Variants in FAM20A observed in about 807,000 individuals in gnomAD.
FAM20A encodes FAM20A golgi associated secretory pathway pseudokinase, also known as pseudokinase FAM20A.
Under a neutral mutation model 52.0 loss-of-function variants are expected in FAM20A, and 42 were observed. That is an observed-to-expected ratio of 0.81 (90% confidence interval 0.63 to 1.04). The LOEUF is 1.04. FAM20A is among the 50% of genes least tolerant of loss of function. The pLI is 0.00. For missense variants in FAM20A, 742 were observed against 712.7 expected, an observed-to-expected ratio of 1.04 and a Z score of -0.47; for synonymous variants, 304 against 298.9, an observed-to-expected ratio of 1.02 and a Z score of -0.18.
intron 1 of FAM20A, among the ~76,000 whole-genome samples, chr17:68,579,891 G>A (rs1461064890): frequency 6.6e-6 from 1 of 152,196 alleles, no homozygotes; most frequent in Non-Finnish European, 1.5e-5. Context: ...CTAACTGCTG[G>A]GGGCTGGAAC....
At chr17:68,566,235 TG>T (rs2143772621) in intron 1 of FAM20A, among the ~76,000 whole-genome samples, 1 of 152,366 alleles carries the variant, frequency 6.6e-6, no homozygotes, top group African/African-American at 2.4e-5. Flanking sequence ...TGAGTAATAG[TG>T]ATTTAGGCAT....
intron 1 of FAM20A, among the ~76,000 whole-genome samples, chr17:68,578,005 CCA>C (rs752788424): frequency 2.3e-4 from 34 of 149,264 alleles, no homozygotes; most frequent in African/African-American, 3.9e-4. Flanking sequence ...ATTTCACACA[CCA>C]CACACACACA....
chr17:68,558,866 C>T (rs1380827486), intron 1 of FAM20A, among the ~76,000 whole-genome samples: 2 of 152,178 alleles, frequency 1.3e-5, no homozygotes, highest in South Asian at 2.1e-4. Flanking sequence ...TCAAGCGATT[C>T]TCCTGCCTCA....
At chr17:68,571,743 C>A (rs1041719415) in intron 1 of FAM20A, among the ~76,000 whole-genome samples, 2 of 151,750 alleles carry the variant, frequency 1.3e-5, no homozygotes, top group African/African-American at 4.8e-5. Context: ...TGTTCTATTT[C>A]TCCTGTGACA....
intron 2 of FAM20A, 96 bp downstream of exon 2, chr17:68,555,463 C>A: frequency 7.4e-7 from 1 of 1,343,352 alleles, no homozygotes; most frequent in African/African-American, 1.4e-5. Flanking sequence ...CCATGTCAAG[C>A]CTCTAATGTT....
chr17:68,543,613 T>A lies in FAM20A; in HGVS notation c.812+16A>T. The A allele has an allele frequency of 6.2e-7, 1 of 1,613,052 alleles. No individual in the cohort carries two copies. On this transcript the variant is annotated intron_variant, in intron 5 of 10. Coordinates refer to ENST00000592554, the MANE Select transcript of FAM20A (RefSeq NM_017565.4). ...GTCCTTATAGGCAATGCCATCTCCA[T>A]GGGGCCAGACCCTACCTGTCCAGAT...
At chr17:68,564,887 A>C (rs532410765) in intron 1 of FAM20A, among the ~76,000 whole-genome samples, 2 of 152,276 alleles carry the variant, frequency 1.3e-5, no homozygotes, top group South Asian at 4.1e-4. Context: ...CGAGTGCTCC[A>C]GACAGGGAGG....
In FAM20A at chr17:68,600,165, G is replaced by A; in HGVS notation, c.404+98C>T. On this transcript the variant is annotated intron_variant, in intron 1 of 10. Coordinates refer to ENST00000592554, the MANE Select transcript of FAM20A (RefSeq NM_017565.4). The surrounding 1 kb of genome is among the most constrained non-coding windows in gnomAD (Gnocchi z 6.2). Reference sequence around the variant, plus strand: ...GGCTGGAGCCGTGGGTGGAGCCGCTGCAGCCCTGGGCCGGGGGCGTCAGGA... The same window carrying A: ...GGCTGGAGCCGTGGGTGGAGCCGCTACAGCCCTGGGCCGGGGGCGTCAGGA... 7.2e-7 allele frequency: 1 copy of A among 1,387,542 alleles called. No homozygotes were observed. Among genetic ancestry groups the A allele is most frequent in the South Asian group, 1.4e-5 (1 of 72,790 alleles). The allele number at this position is 1,387,542 out of a possible 1,614,324, so 86.0% of individuals were successfully genotyped here.
intron 1 of FAM20A, among the ~76,000 whole-genome samples, chr17:68,578,838 CAAAAAAAAAA>C (rs5821664): frequency 1.4e-4 from 5 of 36,058 alleles, no homozygotes; most frequent in East Asian, 8.6e-4. Context: ...CTAAAAATAC[CAAAAAAAAAA>C]AAAAAAAAAA....
chr17:68,565,352 T>C (rs9890323), intron 1 of FAM20A, among the ~76,000 whole-genome samples: 148,689 of 148,692 alleles, frequency 1, 74,343 homozygotes, highest in Middle Eastern at 1. Context: ...CCAATCATTT[T>C]TAAATCCTGG....
At chr17:68,545,996 T>C (rs543665725) in intron 4 of FAM20A, among the ~76,000 whole-genome samples, 8 of 151,986 alleles carry the variant, frequency 5.3e-5, no homozygotes, top group South Asian at 2.1e-4. Flanking sequence ...GGTGAAACCC[T>C]GTCTCTACTA....
intron 1 of FAM20A, among the ~76,000 whole-genome samples, chr17:68,571,968 A>C (rs1462528255): frequency 7.8e-6 from 1 of 127,398 alleles, no homozygotes. Flanking sequence ...GTGTATATAT[A>C]TGTGTGTGTA....
At chr17:68,593,964 T>C (rs2088378013) in intron 1 of FAM20A, among the ~76,000 whole-genome samples, 2 of 152,316 alleles carry the variant, frequency 1.3e-5, no homozygotes, top group South Asian at 4.1e-4. Context: ...CATCTGGGCA[T>C]CAAAGGACAT....
intron 1 of FAM20A, among the ~76,000 whole-genome samples, chr17:68,563,456 G>C (rs1205177329): frequency 2.0e-5 from 3 of 151,624 alleles, no homozygotes; most frequent in African/African-American, 7.3e-5. Context: ...CTGGCTCTGG[G>C]AGATGGTGTC....
At chr17:68,548,324 G>A (rs1267853087) in intron 4 of FAM20A, among the ~76,000 whole-genome samples, 1 of 152,194 alleles carries the variant, frequency 6.6e-6, no homozygotes, top group Non-Finnish European at 1.5e-5. Context: ...GAGGTCGAGA[G>A]TTCGAGACCA....
intron 4 of FAM20A, among the ~76,000 whole-genome samples, chr17:68,551,613 C>T (rs981236804): frequency 7.9e-5 from 12 of 151,704 alleles, no homozygotes; most frequent in African/African-American, 2.9e-4. Flanking sequence ...GCCCGTGAAC[C>T]AAGGACACAA....
chr17:68,538,511 A>G (rs1287528912), intron 10 of FAM20A, among the ~76,000 whole-genome samples: 2 of 152,234 alleles, frequency 1.3e-5, no homozygotes, highest in Non-Finnish European at 1.5e-5. Context: ...CAGGTGGTCA[A>G]TTTTACAAGC....
At chr17:68,565,411 T>C (rs2087350324) in intron 1 of FAM20A, among the ~76,000 whole-genome samples, 1 of 133,648 alleles carries the variant, frequency 7.5e-6, no homozygotes, top group African/African-American at 3.0e-5. Context: ...TTTTTTTTTT[T>C]GAGATGGAGT....
intron 7 of FAM20A, 156 bp from the exon 8 acceptor site, chr17:68,541,114 C>CTT: frequency 9.3e-7 from 1 of 1,072,664 alleles, no homozygotes; most frequent in Non-Finnish European, 1.3e-6. Flanking sequence ...TGGGCAAGGA[C>CTT]GCGTAAGGCT....
Sources: allele counts gnomAD v4.1 joint callset (sites outside exome capture counted in the v4.1 genomes callset), GRCh38; gene constraint gnomAD v4.1.1; non-coding constraint Gnocchi (gnomAD v3.1); transcripts MANE v1.5; gene names NCBI Gene and HGNC (gene_info 2026-07-23, HGNC 2026-07-21).